FAM227B: variants seen among roughly 807,000 people sequenced by gnomAD.
FAM227B encodes the protein protein FAM227B.
A neutral mutation model predicts 73.8 loss-of-function variants in FAM227B; 88 were observed. That is an observed-to-expected ratio of 1.19 (90% CI 1.00 to 1.42). The LOEUF is 1.42. Ranked by LOEUF, FAM227B falls within the 40% of genes most tolerant of loss-of-function variation. FAM227B has a pLI of 0.00. For synonymous variants in FAM227B, 210 were observed against 190.5 expected, an observed-to-expected ratio of 1.10 and a Z score of -0.84; for missense variants, 632 against 590.9, an observed-to-expected ratio of 1.07 and a Z score of -0.72.
At chr15:49,422,758 A>G (rs1462887569) in intron 11 of FAM227B, 7 of 1,336,848 alleles carry the variant, frequency 5.2e-6, no homozygotes, top group Middle Eastern at 3.6e-4. Flanking sequence ...TTCATATTCA[A>G]TGAATTGTCT....
chr15:49,551,834 C>T (rs1221467857), intron 9 of FAM227B, among the ~76,000 whole-genome samples: 1 of 152,116 alleles, frequency 6.6e-6, no homozygotes, highest in East Asian at 1.9e-4. Flanking sequence ...CTGGTAACAA[C>T]ATAATACTAT....
At chr15:49,448,920 T>G (rs149936510) in intron 11 of FAM227B, among the ~76,000 whole-genome samples, 17 of 152,054 alleles carry the variant, frequency 1.1e-4, no homozygotes, top group African/African-American at 4.1e-4. Context: ...TCTAGGGAAA[T>G]TACTCCTGCT....
At chr15:49,345,876 G>C (rs2041401272) in intron 13 of FAM227B, among the ~76,000 whole-genome samples, 1 of 152,242 alleles carries the variant, frequency 6.6e-6, no homozygotes, top group Non-Finnish European at 1.5e-5. Context: ...GAAGCTTCTA[G>C]AAGTGAAGTA....
At chr15:49,339,816 C>G (rs2040396238) in intron 13 of FAM227B, among the ~76,000 whole-genome samples, 1 of 152,146 alleles carries the variant, frequency 6.6e-6, no homozygotes, top group African/African-American at 2.4e-5. Flanking sequence ...TTCAGAGATG[C>G]CCTGCCCGTA....
chr15:49,356,068 C>A (rs2043110982), intron 13 of FAM227B, among the ~76,000 whole-genome samples: 1 of 145,870 alleles, frequency 6.9e-6, no homozygotes, highest in African/African-American at 2.7e-5. Context: ...ACAGGCCTGC[C>A]TTACAAGAGC....
At chr15:49,418,713 C>A (rs1323524404) in intron 11 of FAM227B, among the ~76,000 whole-genome samples, 1 of 151,900 alleles carries the variant, frequency 6.6e-6, no homozygotes, top group African/African-American at 2.4e-5. Flanking sequence ...ATAATCTGTA[C>A]ACTGAACCCT....
At chr15:49,550,634 A>T (rs1266356611) in intron 9 of FAM227B, among the ~76,000 whole-genome samples, 2 of 146,496 alleles carry the variant, frequency 1.4e-5, no homozygotes, top group Admixed American at 6.7e-5. Flanking sequence ...CGCTCCTCAC[A>T]TCCCAGGTGG....
At chr15:49,491,339 G>A (rs1567387576) in intron 11 of FAM227B, among the ~76,000 whole-genome samples, 2 of 151,698 alleles carry the variant, frequency 1.3e-5, no homozygotes, top group Non-Finnish European at 2.9e-5. Flanking sequence ...GACCCATATT[G>A]GCTCTTTTTT....
intron 12 of FAM227B, chr15:49,367,819 C>T: frequency 3.7e-6 from 1 of 271,096 alleles, no homozygotes. Flanking sequence ...TTTGAGTTAT[C>T]ATCAGACTTG....
intron 8 of FAM227B, among the ~76,000 whole-genome samples, chr15:49,572,863 T>C (rs1221345135): frequency 3.3e-5 from 5 of 152,160 alleles, no homozygotes; most frequent in Non-Finnish European, 7.4e-5. Context: ...TACCTCATTT[T>C]TAGAATTCTC....
intron 11 of FAM227B, among the ~76,000 whole-genome samples, chr15:49,444,714 T>G (rs1338389175): frequency 6.6e-6 from 1 of 151,732 alleles, no homozygotes. Flanking sequence ...TTCCGGGGTC[T>G]GTCTCAAAGG....
rs144447214 is a variant in FAM227B at position 49,431,426 on chromosome 15, T to C, written c.1013-60027A>G. 3.1e-3 allele frequency among the ~76,000 whole-genome samples: 473 copies of C among 151,894 alleles called. 4 individuals are homozygous for C. Among genetic ancestry groups the C allele is most frequent in the African/African-American group, 0.011 (445 of 41,498 alleles). On this transcript the variant is annotated intron_variant, in intron 11 of 15. Coordinates refer to ENST00000299338, the MANE Select transcript of FAM227B (RefSeq NM_152647.3). ...TATGTGTATGAAAGGGTTTGTGTAG[T>C]AATATGTAAAGACAAAGTGATTAAG...
At chr15:49,494,325 T>A (rs1375763808) in intron 11 of FAM227B, among the ~76,000 whole-genome samples, 1 of 150,056 alleles carries the variant, frequency 6.7e-6, no homozygotes, top group Non-Finnish European at 1.5e-5. Context: ...TTCAAAAAAT[T>A]CAGTTGAACA....
chr15:49,438,616 C>T (rs1392209037), intron 11 of FAM227B, among the ~76,000 whole-genome samples: 1 of 151,556 alleles, frequency 6.6e-6, no homozygotes, highest in Non-Finnish European at 1.5e-5. Context: ...AGAGGGAGCA[C>T]GAGGACAAGG....
chr15:49,544,106 G>C (rs1473255910), intron 9 of FAM227B, among the ~76,000 whole-genome samples: 1 of 152,192 alleles, frequency 6.6e-6, no homozygotes, highest in Non-Finnish European at 1.5e-5. Context: ...TCACAATATT[G>C]ATTCTACCTA....
intron 11 of FAM227B, among the ~76,000 whole-genome samples, chr15:49,401,622 C>T (rs1416470033): frequency 1.6e-5 from 2 of 128,326 alleles, no homozygotes; most frequent in Non-Finnish European, 3.6e-5. Context: ...CAATGATAGA[C>T]TGGATTAAGA....
intron 11 of FAM227B, among the ~76,000 whole-genome samples, chr15:49,401,423 C>T (rs2048139283): frequency 3.9e-5 from 6 of 151,936 alleles, no homozygotes. Flanking sequence ...CTAGTTCAAC[C>T]CTTGTGGAAG....
At chr15:49,489,169 C>G in intron 11 of FAM227B, 1 of 734,988 alleles carries the variant, frequency 1.4e-6, no homozygotes, top group Non-Finnish European at 1.7e-6. Flanking sequence ...GCATACATAC[C>G]AGAAAGCAGG....
intron 11 of FAM227B, chr15:49,488,364 C>T (rs1254890990): frequency 6.6e-6 from 1 of 151,950 alleles, no homozygotes; most frequent in Non-Finnish European, 1.5e-5. Context: ...CATATACTCC[C>T]ACCTATCCTT....
Sources: allele counts gnomAD v4.1 joint callset (sites outside exome capture counted in the v4.1 genomes callset), GRCh38; gene constraint gnomAD v4.1.1; transcripts MANE v1.5; gene names NCBI Gene and HGNC (gene_info 2026-07-23, HGNC 2026-07-21).